KIAA1958: variants seen among roughly 807,000 people sequenced by gnomAD.
KIAA1958 encodes the protein uncharacterized protein KIAA1958.
Under a neutral mutation model 47.2 loss-of-function variants are expected in KIAA1958, and 14 were observed. The ratio of observed to expected loss-of-function variants is 0.30; its 90% CI spans 0.20 to 0.46. The LOEUF is 0.46. Among genes scored for constraint, KIAA1958 ranks in the 20% least tolerant of loss-of-function variants. KIAA1958 has a pLI of 1.00. For missense variants in KIAA1958, 803 were observed against 909.2 expected (o/e 0.88, Z 1.50); for synonymous variants, 354 against 353.3 (o/e 1.00, Z -0.02).
At chr9:112,487,340 TG>T (rs1167531186) in intron 1 of KIAA1958, 3 of 151,292 alleles carry the variant, frequency 2.0e-5, no homozygotes, top group Non-Finnish European at 4.4e-5. Flanking sequence ...GCGCCGGGCT[TG>T]GGGGTGCGAG....
At chr9:112,534,438 G>A (rs769614285) in intron 1 of KIAA1958, among the ~76,000 whole-genome samples, 7 of 151,976 alleles carry the variant, frequency 4.6e-5, no homozygotes, top group African/African-American at 4.8e-5. Flanking sequence ...GTAAGATTGT[G>A]TATTTTCAAA....
chr9:112,634,523 G>A (rs1037994194), intron 2 of KIAA1958, among the ~76,000 whole-genome samples: 27 of 152,072 alleles, frequency 1.8e-4, no homozygotes, highest in African/African-American at 5.8e-4. Context: ...GAGCCACCGC[G>A]ACTGGCCGTT....
Position 112,618,328 on chromosome 9 carries a change from C to T in KIAA1958, c.1172-27322C>T, listed in dbSNP as rs1485101890. 6.4e-7 allele frequency: 1 copy of T among 1,551,240 alleles called. No homozygotes were observed. Among genetic ancestry groups the T allele is most frequent in the Non-Finnish European group, 8.7e-7 (1 of 1,147,134 alleles). ...GCCGATATAACCCCGAGGGTTTGCT[C>T]AACCTAGTCTGGCTCAACAACACAA... On this transcript the variant is annotated intron_variant, in intron 2 of 3. Coordinates refer to ENST00000337530, the MANE Select transcript of KIAA1958 (RefSeq NM_133465.4). The surrounding 1 kb of genome is among the most constrained non-coding windows in gnomAD (Gnocchi z 7.1).
At chr9:112,525,922 T>C (rs1255158587) in intron 1 of KIAA1958, among the ~76,000 whole-genome samples, 5 of 984 alleles carry the variant, frequency 5.1e-3, no homozygotes, top group East Asian at 0.25. Context: ...ATATTCTTTC[T>C]TCTTCTTCTT....
At chr9:112,530,905 A>G (rs536940770) in intron 1 of KIAA1958, among the ~76,000 whole-genome samples, 7 of 152,316 alleles carry the variant, frequency 4.6e-5, no homozygotes, top group African/African-American at 1.7e-4. Flanking sequence ...AATTCTTAAT[A>G]TGTTTGTCTC....
At chr9:112,533,423 GA>G (rs34640912) in intron 1 of KIAA1958, among the ~76,000 whole-genome samples, 1 of 145,240 alleles carries the variant, frequency 6.9e-6, no homozygotes, top group East Asian at 2.0e-4. Flanking sequence ...AAAATACAAA[GA>G]AAAAAAAAAT....
At chr9:112,596,300 T>C (rs1271053455) in intron 2 of KIAA1958, among the ~76,000 whole-genome samples, 1 of 152,192 alleles carries the variant, frequency 6.6e-6, no homozygotes, top group African/African-American at 2.4e-5. Flanking sequence ...AATATAAATA[T>C]ATCTTTTTAA....
At chr9:112,648,487 A>G (rs984489149) in intron 3 of KIAA1958, among the ~76,000 whole-genome samples, 2 of 152,210 alleles carry the variant, frequency 1.3e-5, no homozygotes, top group African/African-American at 4.8e-5. Context: ...GAGGCTGACA[A>G]AGAACTGCCT....
At chr9:112,616,054 C>T (rs577960338) in intron 2 of KIAA1958, among the ~76,000 whole-genome samples, 13 of 152,192 alleles carry the variant, frequency 8.5e-5, no homozygotes, top group African/African-American at 1.2e-4. Context: ...GATGTGCTGG[C>T]CCCTTTGGCT....
At chr9:112,516,291 A>AAC (rs1323772762) in intron 1 of KIAA1958, among the ~76,000 whole-genome samples, 2 of 150,394 alleles carry the variant, frequency 1.3e-5, no homozygotes, top group African/African-American at 4.9e-5. Context: ...AAAAAAAAAA[A>AAC]GTCAGTTGTA....
At position 112,665,856 on chromosome 9, in the gene KIAA1958, C is replaced by G. The variant is rs1238320769; in HGVS notation, c.*5787C>G. 6.6e-6 allele frequency: 1 copy of G among 152,242 alleles called. No homozygotes were observed. The highest frequency in any genetic ancestry group is 2.4e-5 in the African/African-American group (1 of 41,468). The allele number at this position is 152,242 out of a possible 1,614,324, so 9.4% of individuals were successfully genotyped here. On this transcript the variant is annotated 3_prime_UTR_variant, in exon 4 of 4. Transcript: ENST00000337530. ...GCTGCACCTGTTTTGACATTGGACT[C>G]ACTGCTTAAAAAGTAAAGGAGTTCC...
chr9:112,572,763 G>A (rs1033108892), intron 1 of KIAA1958, among the ~76,000 whole-genome samples: 8 of 152,224 alleles, frequency 5.3e-5, no homozygotes, highest in Non-Finnish European at 7.3e-5. Context: ...GGCCATGGTC[G>A]TAGGAAATGA....
At chr9:112,494,332 C>G (rs1184892070) in intron 1 of KIAA1958, among the ~76,000 whole-genome samples, 1 of 151,888 alleles carries the variant, frequency 6.6e-6, no homozygotes, top group Non-Finnish European at 1.5e-5. Context: ...TTCATTTTCT[C>G]TCTTTGGGGC....
At chr9:112,636,663 T>G (rs1836810791) in intron 2 of KIAA1958, among the ~76,000 whole-genome samples, 1 of 152,200 alleles carries the variant, frequency 6.6e-6, no homozygotes, top group Non-Finnish European at 1.5e-5. Context: ...GTCTGTTTTG[T>G]CTGTTAGTAT....
At chr9:112,578,796 A>C (rs978646412) in intron 2 of KIAA1958, among the ~76,000 whole-genome samples, 1 of 152,096 alleles carries the variant, frequency 6.6e-6, no homozygotes, top group African/African-American at 2.4e-5. Flanking sequence ...GATTCCATTA[A>C]TTTTTGAGGT....
At chr9:112,509,241 C>T (rs1018128039) in intron 1 of KIAA1958, among the ~76,000 whole-genome samples, 2 of 138,614 alleles carry the variant, frequency 1.4e-5, no homozygotes, top group Admixed American at 7.9e-5. Flanking sequence ...CTTGCTGTGT[C>T]GCCTAGGCTG....
chr9:112,513,292 A>G (rs994738805), intron 1 of KIAA1958, among the ~76,000 whole-genome samples: 1 of 133,104 alleles, frequency 7.5e-6, no homozygotes, highest in African/African-American at 2.9e-5. Context: ...GGCGTGAGCC[A>G]CTGCGCCCGG....
intron 1 of KIAA1958, among the ~76,000 whole-genome samples, chr9:112,527,186 A>G (rs994143359): frequency 2.0e-5 from 3 of 152,246 alleles, no homozygotes; most frequent in Non-Finnish European, 2.9e-5. Flanking sequence ...ATAAATCACA[A>G]GAATCAACTG....
chr9:112,559,802 C>T (rs975587116), intron 1 of KIAA1958, among the ~76,000 whole-genome samples: 1 of 152,184 alleles, frequency 6.6e-6, no homozygotes, highest in African/African-American at 2.4e-5. Context: ...TACTATACTT[C>T]TTTGAGTGGG....
Sources: gnomAD v4.1 joint callset for allele counts (sites outside exome capture counted in the v4.1 genomes callset) on GRCh38, gnomAD v4.1.1 for gene constraint, Gnocchi (gnomAD v3.1) non-coding constraint, MANE v1.5 for transcripts, NCBI Gene and HGNC (gene_info 2026-07-23, HGNC 2026-07-21) for gene names.